TGFBR2: variants seen among roughly 807,000 people sequenced by gnomAD.
TGFBR2 encodes the protein TGF-beta receptor type-2.
Under a neutral mutation model 49.0 loss-of-function variants are expected in TGFBR2, and 18 were observed. That is an observed-to-expected ratio of 0.37 (90% confidence interval 0.25 to 0.54). The LOEUF (loss-of-function observed/expected upper bound fraction) is 0.54. Ranked by LOEUF, TGFBR2 falls within the 20% of genes least tolerant of loss-of-function variation. The pLI is 0.85. For synonymous variants in TGFBR2, 282 were observed against 275.9 expected (o/e 1.02, Z -0.22); for missense variants, 525 against 722.6 (o/e 0.73, Z 3.13).
At chr3:30,653,398 T>A (rs1251424609) in intron 3 of TGFBR2, among the ~76,000 whole-genome samples, 1 of 151,904 alleles carries the variant, frequency 6.6e-6, no homozygotes, top group African/African-American at 2.4e-5. Context: ...ATTACAGGCA[T>A]CTGCCACCAT....
chr3:30,674,131 A>G lies in TGFBR2; in HGVS notation c.1281A>G (p.Pro427=), dbSNP rs1699392307. Reference sequence around the variant, plus strand: ...TGGGAACTGCAAGATACATGGCTCCAGAAGTCCTAGAATCCAGGATGAATT... The same window carrying G: ...TGGGAACTGCAAGATACATGGCTCCGGAAGTCCTAGAATCCAGGATGAATT... ...GQVGTARYMA[P]EVLESRMNLE... The change falls in exon 5 of 7, where the codon CCA becomes CCG. Residue 427 remains proline, a synonymous_variant. Coordinates refer to ENST00000295754, the MANE Select transcript of TGFBR2 (RefSeq NM_003242.6). 1.2e-6 allele frequency: 2 copies of G among 1,614,202 alleles called. No homozygotes were observed. Among genetic ancestry groups the G allele is most frequent in the East Asian group, 2.2e-5 (1 of 44,880 alleles).
chr3:30,671,793 G>A lies in TGFBR2; in HGVS notation c.610G>A (p.Gly204Ser), dbSNP rs773431795. The A allele has an allele frequency of 9.3e-6, 15 of 1,614,068 alleles. No homozygotes were observed. The highest frequency in any genetic ancestry group is 3.3e-5 in the South Asian group (3 of 91,092). The change falls in exon 4 of 7, where the codon GGC becomes AGC. Residue 204 changes from glycine to serine, a missense_variant. Gly to Ser is a moderately conservative substitution (Grantham distance 56, BLOSUM62 0). Coordinates refer to ENST00000295754, the MANE Select transcript of TGFBR2 (RefSeq NM_003242.6). ...QQKLSSTWETGKTRKLMEFSE... is the reference protein window; with the variant it reads ...QQKLSSTWETSKTRKLMEFSE... Reference sequence around the variant, plus strand: ...GAAGCTGAGTTCAACCTGGGAAACCGGCAAGACGCGGAAGCTCATGGAGTT... The same window carrying A: ...GAAGCTGAGTTCAACCTGGGAAACCAGCAAGACGCGGAAGCTCATGGAGTT...
At chr3:30,648,145 G>C (rs1481484986) in intron 2 of TGFBR2, among the ~76,000 whole-genome samples, 1 of 152,134 alleles carries the variant, frequency 6.6e-6, no homozygotes, top group African/African-American at 2.4e-5. Context: ...AGTTAGCTGT[G>C]CCTGGCTGTT....
intron 3 of TGFBR2, among the ~76,000 whole-genome samples, chr3:30,671,383 T>C (rs1292233202): frequency 2.0e-5 from 3 of 152,194 alleles, no homozygotes; most frequent in Admixed American, 1.3e-4. Context: ...TTTCCAAGTT[T>C]TTCTAGGCCT....
intron 1 of TGFBR2, among the ~76,000 whole-genome samples, chr3:30,610,126 G>A (rs1382304123): frequency 6.6e-6 from 1 of 151,978 alleles, no homozygotes; most frequent in Non-Finnish European, 1.5e-5. Flanking sequence ...CATATTTATT[G>A]AGTATCTCTT....
chr3:30,627,343 T>A (rs565898515), intron 1 of TGFBR2, among the ~76,000 whole-genome samples: 1 of 152,256 alleles, frequency 6.6e-6, no homozygotes, highest in Non-Finnish European at 1.5e-5. Context: ...CGTTTGGAAT[T>A]CTGAAGAAAC....
intron 2 of TGFBR2, among the ~76,000 whole-genome samples, chr3:30,648,460 A>ACACACACACACACACACACCCC (rs1553627538): frequency 7.0e-6 from 1 of 142,384 alleles, no homozygotes; most frequent in Admixed American, 7.0e-5. Context: ...ACACACACAC[A>ACACACACACACACACACACCCC]CAAAACTGTG....
At chr3:30,611,501 G>T (rs1460983381) in intron 1 of TGFBR2, among the ~76,000 whole-genome samples, 1 of 151,624 alleles carries the variant, frequency 6.6e-6, no homozygotes, top group Non-Finnish European at 1.5e-5. Context: ...CATAAATTTT[G>T]AATCAGTGTA....
intron 1 of TGFBR2, among the ~76,000 whole-genome samples, chr3:30,636,151 ATGTATGTGTGTGTGTGTGTGTGTGTG>A (rs1265330640): frequency 5.0e-4 from 53 of 106,862 alleles, no homozygotes; most frequent in African/African-American, 1.7e-3. Context: ...GAAAATATAT[ATGTATGTGTGTGTGTGTGTGTGTGTG>A]TGTGTGTGTG....
chr3:30,689,584 C>T (rs1699680417), intron 6 of TGFBR2, among the ~76,000 whole-genome samples: 1 of 152,220 alleles, frequency 6.6e-6, no homozygotes, highest in Non-Finnish European at 1.5e-5. Context: ...GCCACTTCAG[C>T]AGACAGACCT....
rs142173283 is a variant in TGFBR2, at chr3:30,625,767, T to A, written c.94+18790T>A. ...ATTGGGTTGGGCTTGATTGTACATG[T>A]ATATGTATATAATAATGTTCTGGTT... is the stretch of plus-strand genomic sequence containing the variant. On this transcript the variant is annotated intron_variant, in intron 1 of 6. Transcript: ENST00000295754. Among the ~76,000 whole-genome samples, 1,124 of 152,356 alleles carry A rather than the reference T, an allele frequency of 7.4e-3. 13 individuals carry two copies. The highest frequency in any genetic ancestry group is 0.024 in the South Asian group (118 of 4,832).
intron 1 of TGFBR2, among the ~76,000 whole-genome samples, chr3:30,619,241 A>G (rs1488988515): frequency 6.6e-6 from 1 of 152,230 alleles, no homozygotes; most frequent in African/African-American, 2.4e-5. Context: ...ATGCTACCGT[A>G]ACACAAACCT....
chr3:30,680,930 T>G (rs942752665), intron 5 of TGFBR2, among the ~76,000 whole-genome samples: 2 of 151,750 alleles, frequency 1.3e-5, no homozygotes, highest in African/African-American at 2.4e-5. Flanking sequence ...TGAAGGCGGG[T>G]GAAGGCGGTC....
At chr3:30,649,937 A>G (rs1204494230) in intron 2 of TGFBR2, among the ~76,000 whole-genome samples, 1 of 152,116 alleles carries the variant, frequency 6.6e-6, no homozygotes, top group Non-Finnish European at 1.5e-5. Context: ...CTTTTTTTCC[A>G]TGTCTTCCCC....
In TGFBR2 at chr3:30,606,654, A is replaced by G; in HGVS notation, c.-230A>G. ...CGCGCGTGCACCCGCTCGGGACAGG[A>G]GCCGGACTCCTGTGCAGCTTCCCTC... On this transcript the variant is annotated 5_prime_UTR_variant, in exon 1 of 7. Coordinates refer to ENST00000295754, the MANE Select transcript of TGFBR2 (RefSeq NM_003242.6). The G allele has an allele frequency of 2.7e-6, 1 of 371,840 alleles. No individual in the cohort carries two copies. 23.0% of individuals were successfully genotyped at this position (371,840 alleles called of 1,614,324 possible). A position where few individuals can be genotyped will look rare whatever the true frequency, so the allele number is the denominator to read the frequency against.
At position 30,610,876 on chromosome 3, in the gene TGFBR2, T is replaced by A. The variant is rs1461283194; in HGVS notation, c.94+3899T>A. On this transcript the variant is annotated intron_variant, in intron 1 of 6. Coordinates refer to ENST00000295754, the MANE Select transcript of TGFBR2 (RefSeq NM_003242.6). ...CCCACCACAGCCCACATTTTCCCAG[T>A]CTATTTGTGTCACTACACATACACA... 3.3e-5 allele frequency among the ~76,000 whole-genome samples: 5 copies of A among 152,304 alleles called. No individual in the cohort carries two copies. The East Asian group carries it at 9.7e-4, about 29-fold the overall frequency.
intron 2 of TGFBR2, among the ~76,000 whole-genome samples, chr3:30,648,541 T>A (rs1459055618): frequency 6.6e-6 from 1 of 151,990 alleles, no homozygotes; most frequent in Non-Finnish European, 1.5e-5. Context: ...GCTTTGGGGT[T>A]AAAGATGGGT....
intron 3 of TGFBR2, among the ~76,000 whole-genome samples, chr3:30,665,696 T>G (rs1206147415): frequency 1.3e-5 from 2 of 152,188 alleles, no homozygotes; most frequent in Non-Finnish European, 2.9e-5. Context: ...TCAAAATTCC[T>G]GCTCTAGCAA....
intron 1 of TGFBR2, chr3:30,623,164 C>T (rs1698265046): frequency 8.7e-7 from 1 of 1,150,528 alleles, no homozygotes; most frequent in Admixed American, 1.8e-5. Flanking sequence ...TTAAAAACAG[C>T]TCTCTGAGAT....
Sources: gnomAD v4.1 joint callset for allele counts (sites outside exome capture counted in the v4.1 genomes callset) on GRCh38, gnomAD v4.1.1 for gene constraint, MANE v1.5 for transcripts, NCBI Gene and HGNC (gene_info 2026-07-23, HGNC 2026-07-21) for gene names.